Variants in ATAD5 observed in about 807,000 individuals in gnomAD.
The protein encoded by ATAD5 is ATPase family AAA domain-containing protein 5.
A neutral mutation model predicts 176.9 loss-of-function variants in ATAD5; 58 were observed. That is an observed-to-expected ratio of 0.33 (90% confidence interval 0.27 to 0.41). The LOEUF is 0.41. Among genes scored for constraint, ATAD5 ranks in the 10% least tolerant of loss-of-function variants. The probability of loss-of-function intolerance (pLI) is 1.00; values close to 1 mark genes in which losing one functional copy is unlikely to be tolerated. For missense variants in ATAD5, 1,789 were observed against 2,094.1 expected (o/e 0.85, Z 2.84); for synonymous variants, 640 against 712.6 (o/e 0.90, Z 1.62).
rs759813603 is a variant in ATAD5 at position 30,893,766 on chromosome 17, G to A, written c.4913G>A (p.Cys1638Tyr). 2 of 1,614,052 alleles carry A rather than the reference G, an allele frequency of 1.2e-6. No individual in the cohort carries two copies. Among genetic ancestry groups the A allele is most frequent in the East Asian group, 2.2e-5 (1 of 44,864 alleles). ...CCTAAAACAACTGCAGGAAAAAAAT[G>A]TTCTGCCCTTGTTTCTCATTGTTTA... ...CPPKTTAGKK[C>Y]SALVSHCLNS... is the part of the protein sequence containing the mutation. Residue 1638 changes from cysteine (C) to tyrosine (Y), a missense_variant, in exon 21 of 23, where the codon TGT becomes TAT. By Grantham distance (194) the Cys-to-Tyr change is radical (BLOSUM62 -2). Transcript: ENST00000321990.
chr17:30,844,849 G>A lies in ATAD5; in HGVS notation c.2383G>A (p.Ala795Thr), dbSNP rs765457639. The A allele has an allele frequency of 2.5e-6, 4 of 1,594,822 alleles. No homozygotes were observed. Among genetic ancestry groups the A allele is most frequent in the Admixed American group, 1.8e-5 (1 of 55,668 alleles). Residue 795 changes from alanine to threonine, a missense_variant, in exon 6 of 23, where the codon GCT (alanine) becomes ACT (threonine). By Grantham distance (58) the Ala-to-Thr change is moderately conservative. Coordinates refer to ENST00000321990, the MANE Select transcript of ATAD5 (RefSeq NM_024857.5). The part of the protein sequence containing the change: ...TKNVPGKMKV[A>T]PLFLVRKAQK... ...ATTTTTCTAAGGAAAAATGAAAGTC[G>A]CTCCTTTATTTCTTGTCAGAAAAGC...
In ATAD5 at chr17:30,863,283, C is replaced by T. The variant is rs555341364; in HGVS notation, c.3137-2421C>T. ...TGATCTGGACTCACTGCAGCCTCCA[C>T]CTCCTGAGTTCAAGCGATTCTTCTG... On this transcript the variant is annotated intron_variant, in intron 10 of 22. Transcript: ENST00000321990. Among the ~76,000 whole-genome samples, 16 of 152,264 alleles carry T rather than the reference C, an allele frequency of 1.1e-4. No individual in the cohort carries two copies. The South Asian group carries it at 3.3e-3, about 32-fold the overall frequency.
chr17:30,887,497 T>C (rs1909385322), intron 19 of ATAD5, 125 bp downstream of exon 19: 2 of 733,168 alleles, frequency 2.7e-6, no homozygotes, highest in Non-Finnish European at 4.4e-6. Context: ...TGGGAGGATC[T>C]CTTGAGGCCA....
intron 14 of ATAD5, among the ~76,000 whole-genome samples, chr17:30,874,909 G>A (rs535493634): frequency 2.6e-5 from 4 of 152,086 alleles, no homozygotes; most frequent in South Asian, 4.2e-4. Context: ...GATTACAGGC[G>A]TGAGCCACTG....
chr17:30,834,798 G>A lies in ATAD5; in HGVS notation c.717G>A (p.Met239Ile), dbSNP rs1221672335. Residue 239 changes from methionine to isoleucine, a missense_variant, in exon 2 of 23, where the codon ATG becomes ATA. By Grantham distance (10) the Met-to-Ile change is conservative. Around this residue, in one of 6 missense-constraint regions of ATAD5, gnomAD observed 696 missense variants for 712.5 expected, o/e 0.98. Transcript: ENST00000321990. Reference protein sequence around the residue: ...LKKDGKDTKQMENTTSHANSR... With the variant: ...LKKDGKDTKQIENTTSHANSR... The stretch of plus-strand genomic sequence containing the variant: ...AAGATGGTAAAGATACTAAACAGAT[G>A]GAGAATACTACAAGCCATGCAAACT... 3.0e-5 allele frequency: 48 copies of A among 1,613,862 alleles called. No individual in the cohort carries two copies. Among genetic ancestry groups the A allele is most frequent in the African/African-American group, 5.3e-5 (4 of 74,900 alleles).
intron 19 of ATAD5, among the ~76,000 whole-genome samples, chr17:30,891,462 C>T (rs1909633616): frequency 6.6e-6 from 1 of 152,126 alleles, no homozygotes; most frequent in Non-Finnish European, 1.5e-5. Context: ...GCCTCTGCCT[C>T]CCGGGTTCAA....
At chr17:30,866,894 A>G (rs902262318) in intron 11 of ATAD5, among the ~76,000 whole-genome samples, 3 of 152,178 alleles carry the variant, frequency 2.0e-5, no homozygotes, top group Non-Finnish European at 4.4e-5. Context: ...GGTATTATGT[A>G]ATATGCAGTA....
intron 10 of ATAD5, chr17:30,861,954 G>A (rs1907662982): frequency 6.7e-6 from 1 of 148,350 alleles, no homozygotes; most frequent in Non-Finnish European, 1.5e-5. Flanking sequence ...TTTTAGTAGA[G>A]ATGGGGTTTC....
chr17:30,879,494 T>TGCAACAC lies in ATAD5; in HGVS notation c.4077+7_4077+8insGCAACAC. 6.3e-7 allele frequency: 1 copy of TGCAACAC among 1,586,678 alleles called. No homozygotes were observed. Among genetic ancestry groups the TGCAACAC allele is most frequent in the Non-Finnish European group, 8.5e-7 (1 of 1,172,064 alleles). On this transcript the variant is annotated splice_region_variant and intron_variant, in intron 18 of 22. Transcript: ENST00000321990. Reference sequence around the variant, plus strand: ...GTTCAGTACTCCTTCCCTGGTAAGTTTTAAATTTTGATAGCCACAAATTAC... The same window carrying TGCAACAC: ...GTTCAGTACTCCTTCCCTGGTAAGTTGCAACACTTAAATTTTGATAGCCACAAATTAC...
At chr17:30,866,789 T>A (rs150681633) in intron 11 of ATAD5, among the ~76,000 whole-genome samples, 1 of 152,114 alleles carries the variant, frequency 6.6e-6, no homozygotes, top group African/African-American at 2.4e-5. Context: ...CACTCCAGCC[T>A]GGGCAACAGA....
At chr17:30,872,980 T>C (rs1185077698) in intron 14 of ATAD5, among the ~76,000 whole-genome samples, 7 of 152,206 alleles carry the variant, frequency 4.6e-5, no homozygotes, top group African/African-American at 1.7e-4. Context: ...TGTTTTTATA[T>C]CTCAGAGATT....
At chr17:30,869,165 G>A in intron 12 of ATAD5, 83 bp from the exon 13 acceptor site, 1 of 1,469,848 alleles carries the variant, frequency 6.8e-7, no homozygotes, top group Non-Finnish European at 9.2e-7. Flanking sequence ...CAAGAAGTTT[G>A]TGGGATTTGA....
intron 4 of ATAD5, among the ~76,000 whole-genome samples, chr17:30,843,073 T>G (rs887112228): frequency 2.0e-5 from 3 of 151,768 alleles, no homozygotes; most frequent in Non-Finnish European, 2.9e-5. Flanking sequence ...AAAGCCTTTT[T>G]GGGCCTGGTG....
rs565338302 is a variant in ATAD5, at chr17:30,857,061, T to C, written c.2742T>C (p.Gly914=). The C allele has an allele frequency of 1.2e-6, 2 of 1,611,038 alleles. No homozygotes were observed. Among genetic ancestry groups the C allele is most frequent in the East Asian group, 4.5e-5 (2 of 44,784 alleles). ...TCTCAAAATGTGGTATTGCTCTTGG[T>C]GAATTTTCAACATTGAATTCAAAGT... ...IDLSKCGIAL[G]EFSTLNSKLK... is the part of the protein sequence containing the mutation. Residue 914 remains glycine, a synonymous_variant, in exon 8 of 23, where the codon GGT becomes GGC. Transcript: ENST00000321990.
At chr17:30,888,960 T>C (rs897699508) in intron 19 of ATAD5, among the ~76,000 whole-genome samples, 1 of 150,372 alleles carries the variant, frequency 6.7e-6, no homozygotes. Context: ...CTCGGGAGGC[T>C]GAGGCAGGAG....
rs182945728 is a variant in ATAD5 at position 30,869,524 on chromosome 17, G to C, written c.3485G>C (p.Arg1162Pro). Reference sequence around the variant, plus strand: ...TTTGAAGTGAATGCCTCTTCCCAGCGCAGTGGTAGACAAATTCTATCTCAG... The same window carrying C: ...TTTGAAGTGAATGCCTCTTCCCAGCCCAGTGGTAGACAAATTCTATCTCAG... ...KIFEVNASSQ[R>P]SGRQILSQLK... Residue 1162 changes from arginine (R) to proline (P), a missense_variant, in exon 14 of 23, where the codon CGC becomes CCC. This residue lies in a region of ATAD5 where 194 missense variants were observed against 270.1 expected (regional missense o/e 0.72). Transcript: ENST00000321990. The C allele has an allele frequency of 6.2e-7, 1 of 1,612,900 alleles. No individual in the cohort carries two copies. The highest frequency in any genetic ancestry group is 8.5e-7 in the Non-Finnish European group (1 of 1,179,802).
In ATAD5 at chr17:30,837,216, A is replaced by G. The variant is rs1267567286; in HGVS notation, c.1978A>G (p.Thr660Ala). ...DSESPIRMKF[T>A]RISTPKKSKK... Reference sequence around the variant, plus strand: ...TTATTTTTATTTCAGAATGAAATTCACCAGAATTAGTACTCCCAAAAAATC... The same window carrying G: ...TTATTTTTATTTCAGAATGAAATTCGCCAGAATTAGTACTCCCAAAAAATC... Residue 660 changes from threonine (T) to alanine (A), a missense_variant, in exon 3 of 23, where the codon ACC (threonine) becomes GCC (alanine). Transcript: ENST00000321990. The G allele has an allele frequency of 6.6e-7, 1 of 1,515,898 alleles. No homozygotes were observed. The highest frequency in any genetic ancestry group is 8.9e-7 in the Non-Finnish European group (1 of 1,118,894). The allele number at this position is 1,515,898 out of a possible 1,614,324, so 93.9% of individuals were successfully genotyped here.
At chr17:30,847,806 G>GC (rs1016072888) in intron 6 of ATAD5, among the ~76,000 whole-genome samples, 30 of 140,114 alleles carry the variant, frequency 2.1e-4, no homozygotes, top group Admixed American at 2.3e-4. Flanking sequence ...TGTAACCTCC[G>GC]CCCCCCGGGT....
In ATAD5 at chr17:30,835,440, A is replaced by C; in HGVS notation, c.1359A>C (p.Gln453His). 1 of 1,612,032 alleles carries C rather than the reference A, an allele frequency of 6.2e-7. No individual in the cohort carries two copies. Among genetic ancestry groups the C allele is most frequent in the Non-Finnish European group, 8.5e-7 (1 of 1,179,470 alleles). ...SKKIMENSGIQMVSKNGNLQL... is the reference protein window; with the variant it reads ...SKKIMENSGIHMVSKNGNLQL... ...AAATCATGGAAAATTCTGGTATCCA[A>C]ATGGTTTCAAAAAATGGCAATTTAC... The change falls in exon 2 of 23, where the codon CAA (glutamine) becomes CAC (histidine). Residue 453 changes from glutamine to histidine, a missense_variant. By Grantham distance (24) the Gln-to-His change is conservative. Coordinates refer to ENST00000321990, the MANE Select transcript of ATAD5 (RefSeq NM_024857.5).
Sources: gnomAD v4.1 joint callset for allele counts (sites outside exome capture counted in the v4.1 genomes callset) on GRCh38, gnomAD v4.1.1 for gene constraint, gnomAD v4.1.1 regional missense constraint, MANE v1.5 for transcripts, NCBI Gene and HGNC (gene_info 2026-07-23, HGNC 2026-07-21) for gene names.